Variants in CCBE1 observed in about 807,000 individuals in gnomAD.
CCBE1 encodes the protein collagen and calcium-binding EGF domain-containing protein 1.
In CCBE1, 37 loss-of-function variants were observed where a neutral mutation model predicts 50.0. That is an observed-to-expected ratio of 0.74 (90% CI 0.57 to 0.97). The LOEUF is 0.97. Ranked by LOEUF, CCBE1 falls within the 50% of genes least tolerant of loss-of-function variation. The pLI is 0.00. For missense variants in CCBE1, 538 were observed against 523.8 expected (o/e 1.03, Z -0.26); for synonymous variants, 234 against 203.7 (o/e 1.15, Z -1.27).
At position 59,431,641 on chromosome 18, in the gene CCBE1, T is replaced by C. The variant is rs1909950543; in HGVS notation, c.*4267A>G. 1.3e-5 allele frequency: 2 copies of C among 152,238 alleles called. No individual in the cohort carries two copies. Among genetic ancestry groups the C allele is most frequent in the Admixed American group, 6.5e-5 (1 of 15,288 alleles). 9.4% of individuals were successfully genotyped at this position (152,238 alleles called of 1,614,324 possible). ...ACCAGGCCCACAGCAATTATGAACC[T>C]TGGAAAGATGGCCAAAGCCAGGGTG... is the stretch of plus-strand genomic sequence containing the variant. On this transcript the variant is annotated 3_prime_UTR_variant, in exon 11 of 11. Transcript: ENST00000439986.
At chr18:59,626,395 A>T (rs2053785354) in intron 2 of CCBE1, among the ~76,000 whole-genome samples, 1 of 152,168 alleles carries the variant, frequency 6.6e-6, no homozygotes, top group Non-Finnish European at 1.5e-5. Context: ...GGCAGCTGAC[A>T]TGGGGGTATT....
intron 2 of CCBE1, among the ~76,000 whole-genome samples, chr18:59,652,963 C>A (rs1374334830): frequency 6.1e-5 from 9 of 148,756 alleles, no homozygotes; most frequent in African/African-American, 9.8e-5. Context: ...GACTCCGTCT[C>A]AAAAAAAAAA....
At chr18:59,530,682 A>G (rs1307421275) in intron 2 of CCBE1, among the ~76,000 whole-genome samples, 1 of 152,250 alleles carries the variant, frequency 6.6e-6, no homozygotes, top group African/African-American at 2.4e-5. Context: ...TAAAATTGAC[A>G]GAGCTTCTGT....
intron 2 of CCBE1, among the ~76,000 whole-genome samples, chr18:59,687,282 A>C (rs1160085904): frequency 6.6e-6 from 1 of 152,218 alleles, no homozygotes; most frequent in Non-Finnish European, 1.5e-5. Context: ...TTGTCTATCT[A>C]TGCACCTTTC....
rs1221548441 is a variant in CCBE1 at position 59,523,687 on chromosome 18, T to C, written c.213-43449A>G. Among the ~76,000 whole-genome samples the C allele has an allele frequency of 2.6e-5, 4 of 152,262 alleles. No homozygotes were observed. The East Asian group carries it at 7.7e-4, about 29-fold the overall frequency. On this transcript the variant is annotated intron_variant, in intron 2 of 10. Coordinates refer to ENST00000439986, the MANE Select transcript of CCBE1 (RefSeq NM_133459.4). ...ACTTTATTTTGAAGACAATCATGAG[T>C]AGGTCAGGGTTGGATAATGTTAAAC...
chr18:59,654,581 G>T (rs1339664900), intron 2 of CCBE1, among the ~76,000 whole-genome samples: 1 of 151,882 alleles, frequency 6.6e-6, no homozygotes, highest in African/African-American at 2.4e-5. Flanking sequence ...CCGAGATCGC[G>T]CCACTGTACT....
At chr18:59,670,718 C>G (rs536682632) in intron 2 of CCBE1, among the ~76,000 whole-genome samples, 1 of 151,894 alleles carries the variant, frequency 6.6e-6, no homozygotes, top group Admixed American at 6.6e-5. Context: ...GAGGCCGAGG[C>G]GGGAGGATCA....
intron 2 of CCBE1, among the ~76,000 whole-genome samples, chr18:59,589,561 C>T (rs565974631): frequency 2.6e-5 from 4 of 152,068 alleles, no homozygotes; most frequent in East Asian, 3.9e-4. Flanking sequence ...TTTGGGAGGC[C>T]GAGGTGGGTG....
chr18:59,696,616 C>T lies in CCBE1; in HGVS notation c.212+13G>A. The T allele has an allele frequency of 3.1e-6, 5 of 1,613,264 alleles. No individual in the cohort carries two copies. The highest frequency in any genetic ancestry group is 4.2e-6 in the Non-Finnish European group (5 of 1,179,776). ...GCGCAGTGGCGAACAGCCCGCAGAG[C>T]CCCCAGGCTTACCTGTAGCATGTGG... On this transcript the variant is annotated intron_variant, in intron 2 of 10. Transcript: ENST00000439986.
intron 2 of CCBE1, among the ~76,000 whole-genome samples, chr18:59,693,117 C>T (rs2054758019): frequency 6.6e-6 from 1 of 152,112 alleles, no homozygotes; most frequent in Non-Finnish European, 1.5e-5. Flanking sequence ...AGGACTTTGA[C>T]TGTACATTGT....
intron 2 of CCBE1, among the ~76,000 whole-genome samples, chr18:59,562,100 T>A (rs955361714): frequency 1.5e-4 from 23 of 152,216 alleles, no homozygotes; most frequent in African/African-American, 5.5e-4. Flanking sequence ...AGTTATTTAT[T>A]GACTGCTTTA....
Position 59,560,566 on chromosome 18 carries a change from T to C in CCBE1, c.213-80328A>G, listed in dbSNP as rs931523460. Among the ~76,000 whole-genome samples, 3 of 152,264 alleles carry C rather than the reference T, an allele frequency of 2.0e-5. No individual in the cohort carries two copies. The East Asian group carries it at 5.8e-4, about 29-fold the overall frequency. The stretch of plus-strand genomic sequence containing the variant: ...AACCACCATGGCACATGTATACCTA[T>C]GTAACAAACCTGCACGTTCTGCACA... On this transcript the variant is annotated intron_variant, in intron 2 of 10. Transcript: ENST00000439986.
At chr18:59,647,484 A>AT (rs2054070568) in intron 2 of CCBE1, among the ~76,000 whole-genome samples, 1 of 152,166 alleles carries the variant, frequency 6.6e-6, no homozygotes, top group Middle Eastern at 3.4e-3. Context: ...TATTTTCCAG[A>AT]TTTTTTTCTG....
rs558948156 is a variant in CCBE1, at chr18:59,651,057, A to G, written c.212+45572T>C. Among the ~76,000 whole-genome samples, 5 of 152,328 alleles carry G rather than the reference A, an allele frequency of 3.3e-5. No homozygotes were observed. The East Asian group carries it at 5.8e-4, about 18-fold the overall frequency. On this transcript the variant is annotated intron_variant, in intron 2 of 10. Transcript: ENST00000439986. ...TTTCCTCGCCACAGCCAGCTAATCA[A>G]CTTGGATATAGGGTGGGATTTCTTA...
chr18:59,660,293 T>C (rs565305341), intron 2 of CCBE1, among the ~76,000 whole-genome samples: 1 of 152,214 alleles, frequency 6.6e-6, no homozygotes, highest in Non-Finnish European at 1.5e-5. Context: ...AAGCAAATGG[T>C]CATTTAGTCC....
chr18:59,573,284 A>AATATATATATATATATATAT (rs71336346), intron 2 of CCBE1, among the ~76,000 whole-genome samples: 1,297 of 93,386 alleles, frequency 0.014, 105 homozygotes, highest in Non-Finnish European at 0.019. Context: ...GACTCCGTCT[A>AATATATATATATATATATAT]ATATATATAT....
intron 10 of CCBE1, among the ~76,000 whole-genome samples, chr18:59,436,355 C>T (rs78231626): frequency 0.014 from 2,068 of 152,274 alleles, 48 homozygotes; most frequent in African/African-American, 0.047. Context: ...ATGTATTCAC[C>T]TTTCCTCCCT....
chr18:59,460,199 C>T (rs1160836934), intron 5 of CCBE1, among the ~76,000 whole-genome samples: 1 of 152,200 alleles, frequency 6.6e-6, no homozygotes, highest in Non-Finnish European at 1.5e-5. Flanking sequence ...CAGTGGATTG[C>T]AACCTCTCAA....
At chr18:59,589,138 A>G (rs1382591627) in intron 2 of CCBE1, among the ~76,000 whole-genome samples, 1 of 152,200 alleles carries the variant, frequency 6.6e-6, no homozygotes, top group Admixed American at 6.5e-5. Context: ...GGACAGGGAA[A>G]GGGAGAGTGA....
Sources: allele counts gnomAD v4.1 joint callset (sites outside exome capture counted in the v4.1 genomes callset), GRCh38; gene constraint gnomAD v4.1.1; transcripts MANE v1.5; gene names NCBI Gene and HGNC (gene_info 2026-07-23, HGNC 2026-07-21).